Variants in SLC4A4 observed in about 807,000 individuals in gnomAD.
SLC4A4 encodes electrogenic sodium bicarbonate cotransporter 1.
Under a neutral mutation model 111.5 loss-of-function variants are expected in SLC4A4, and 27 were observed. The ratio of observed to expected loss-of-function variants is 0.24; its 90% CI spans 0.18 to 0.33. SLC4A4 has a LOEUF of 0.33. Among genes scored for constraint, SLC4A4 ranks in the 10% least tolerant of loss-of-function variants. The pLI is 1.00. For missense variants in SLC4A4, 909 were observed against 1,315.5 expected, an observed-to-expected ratio of 0.69 and a Z score of 4.78; for synonymous variants, 443 against 463.4, an observed-to-expected ratio of 0.96 and a Z score of 0.57.
Position 71,274,976 on chromosome 4 carries a change from G to GTT in SLC4A4, c.253+19585_253+19586dup, listed in dbSNP as rs11394006. ...TCAAAAGTAGTTTGCTGAAGATTCT[G>GTT]TTTTTTTTTCTAAAATGTCCATTTG... On this transcript the variant is annotated intron_variant, in intron 3 of 25. Transcript: ENST00000264485. Among the ~76,000 whole-genome samples the GTT allele has an allele frequency of 8.4e-4, 127 of 150,830 alleles. 1 individual carries two copies. The highest frequency in any genetic ancestry group is 2.9e-3 in the African/African-American group (118 of 41,116).
chr4:71,419,148 G>T (rs2149015558), intron 7 of SLC4A4, among the ~76,000 whole-genome samples: 1 of 152,276 alleles, frequency 6.6e-6, no homozygotes, highest in African/African-American at 2.4e-5. Flanking sequence ...CAGGGGTCAG[G>T]GACACACTTG....
intron 13 of SLC4A4, among the ~76,000 whole-genome samples, chr4:71,469,291 A>G (rs1384290873): frequency 6.6e-6 from 1 of 151,972 alleles, no homozygotes; most frequent in African/African-American, 2.4e-5. Flanking sequence ...TTGGTCATTC[A>G]GTATTTTTCC....
intron 6 of SLC4A4, among the ~76,000 whole-genome samples, chr4:71,384,649 A>C (rs896009635): frequency 8.6e-4 from 127 of 148,116 alleles, no homozygotes; most frequent in African/African-American, 2.5e-3. Context: ...CACCAAAAAA[A>C]AAAAAAAAAA....
At chr4:71,481,376 C>T (rs928611872) in intron 14 of SLC4A4, among the ~76,000 whole-genome samples, 21 of 151,576 alleles carry the variant, frequency 1.4e-4, no homozygotes, top group Non-Finnish European at 1.0e-4. Context: ...GCAGAGGAGC[C>T]ATGGGGTAGT....
At chr4:71,533,993 C>T (rs919306707) in intron 17 of SLC4A4, among the ~76,000 whole-genome samples, 3 of 152,078 alleles carry the variant, frequency 2.0e-5, no homozygotes, top group African/African-American at 2.4e-5. Context: ...ATGCCATTCA[C>T]TTATTTTCCA....
intron 16 of SLC4A4, among the ~76,000 whole-genome samples, chr4:71,516,080 CTTTTTTTTTTTTTTT>C (rs60338885): frequency 1.3e-4 from 4 of 30,614 alleles, no homozygotes; most frequent in Admixed American, 6.1e-4. Context: ...TGGGGGATTT[CTTTTTTTTTTTTTTT>C]TTTTTTTTTT....
At chr4:71,535,883 A>G (rs1480458051) in intron 18 of SLC4A4, among the ~76,000 whole-genome samples, 1 of 152,144 alleles carries the variant, frequency 6.6e-6, no homozygotes, top group East Asian at 1.9e-4. Context: ...CCAACAAAAA[A>G]ACTAGACTGT....
intron 2 of SLC4A4, among the ~76,000 whole-genome samples, chr4:71,156,564 GTGCGCGCA>G: frequency 5.4e-5 from 1 of 18,556 alleles, no homozygotes; most frequent in Admixed American, 7.4e-4. Context: ...AAATAAGTGT[GTGCGCGCA>G]TGCGCGCGCG....
At chr4:71,290,328 G>T (rs188521729) in intron 3 of SLC4A4, among the ~76,000 whole-genome samples, 3 of 152,266 alleles carry the variant, frequency 2.0e-5, no homozygotes, top group African/African-American at 7.2e-5. Flanking sequence ...GCCAGCCAAG[G>T]GGGTGGAGGC....
At chr4:71,224,035 C>G (rs1019231054) in intron 1 of SLC4A4, among the ~76,000 whole-genome samples, 3 of 152,154 alleles carry the variant, frequency 2.0e-5, no homozygotes, top group African/African-American at 7.2e-5. Context: ...ACACCTCATT[C>G]CTTTCCGGTC....
intron 14 of SLC4A4, among the ~76,000 whole-genome samples, chr4:71,483,453 C>T (rs1729074262): frequency 6.6e-6 from 1 of 151,870 alleles, no homozygotes; most frequent in Admixed American, 6.6e-5. Context: ...CATTCGTTTG[C>T]TAAGGATAAT....
intron 3 of SLC4A4, among the ~76,000 whole-genome samples, chr4:71,271,026 ATGGTGGC>A (rs1484725105): frequency 6.6e-6 from 1 of 152,198 alleles, no homozygotes; most frequent in African/African-American, 2.4e-5. Context: ...CTAGGTAAGC[ATGGTGGC>A]TGCTGTGGGT....
rs182913106 is a variant in SLC4A4, at chr4:71,535,161, A to G, written c.2442+773A>G. Among the ~76,000 whole-genome samples, 952 of 152,274 alleles carry G rather than the reference A, an allele frequency of 6.3e-3. 5 individuals carry two copies. The highest frequency in any genetic ancestry group is 8.0e-3 in the Non-Finnish European group (543 of 68,014). On this transcript the variant is annotated intron_variant, in intron 18 of 25. Transcript: ENST00000264485. Reference sequence around the variant, plus strand: ...ATCTTCTAAGCACTTTGTATTATATATTAACTCGTTAACTTTTCATAACCA... The same window carrying G: ...ATCTTCTAAGCACTTTGTATTATATGTTAACTCGTTAACTTTTCATAACCA...
chr4:71,191,519 A>G (rs1417775449), intron 1 of SLC4A4, among the ~76,000 whole-genome samples: 1 of 152,236 alleles, frequency 6.6e-6, no homozygotes, highest in Non-Finnish European at 1.5e-5. Flanking sequence ...AATGACTGTC[A>G]ATGAATGGGT....
chr4:71,159,330 CTCTCTT>C (rs1393926318), intron 2 of SLC4A4, among the ~76,000 whole-genome samples: 1 of 152,008 alleles, frequency 6.6e-6, no homozygotes. Flanking sequence ...TTTTCTATCT[CTCTCTT>C]TCTCTTTTTA....
chr4:71,093,131 A>G (rs930790214), intron 2 of SLC4A4, among the ~76,000 whole-genome samples: 2 of 151,716 alleles, frequency 1.3e-5, no homozygotes, highest in Non-Finnish European at 2.9e-5. Flanking sequence ...TATGGCAAAA[A>G]CCAGTCTTGT....
At chr4:71,420,416 G>A (rs1224622828) in intron 7 of SLC4A4, among the ~76,000 whole-genome samples, 36 of 152,110 alleles carry the variant, frequency 2.4e-4, no homozygotes, top group Non-Finnish European at 4.6e-4. Context: ...CACTCTGCAG[G>A]ATATTATCCA....
intron 16 of SLC4A4, among the ~76,000 whole-genome samples, chr4:71,525,300 G>T (rs377445545): frequency 1.3e-5 from 2 of 151,966 alleles, no homozygotes; most frequent in African/African-American, 2.4e-5. Flanking sequence ...AATTAATCCC[G>T]CAGAGGACAG....
At chr4:71,355,465 G>A (rs1730198190) in intron 5 of SLC4A4, among the ~76,000 whole-genome samples, 1 of 152,222 alleles carries the variant, frequency 6.6e-6, no homozygotes, top group Non-Finnish European at 1.5e-5. Context: ...AGTGGGGTTT[G>A]TGTAGTTTAA....
Sources: gnomAD v4.1 joint callset for allele counts (sites outside exome capture counted in the v4.1 genomes callset) on GRCh38, gnomAD v4.1.1 for gene constraint, MANE v1.5 for transcripts, NCBI Gene and HGNC (gene_info 2026-07-23, HGNC 2026-07-21) for gene names.